Variants in SHQ1 observed in about 807,000 individuals in gnomAD.
SHQ1 encodes protein SHQ1 homolog.
A neutral mutation model predicts 53.8 loss-of-function variants in SHQ1; 49 were observed. The ratio of observed to expected loss-of-function variants is 0.91; its 90% confidence interval spans 0.72 to 1.16. SHQ1 has a LOEUF of 1.16. Among genes scored for constraint, SHQ1 ranks in the 50% most tolerant of loss-of-function variants. The pLI is 0.00. For missense variants in SHQ1, 738 were observed against 683.1 expected (o/e 1.08, Z -0.90); for synonymous variants, 243 against 251.0 (o/e 0.97, Z 0.30).
chr3:72,743,717 GA>G, the SHQ1 span, among the ~76,000 whole-genome samples: 1 of 152,224 alleles, frequency 6.6e-6, no homozygotes, highest in African/African-American at 2.4e-5. Flanking sequence ...AGTGTCGTCT[GA>G]AGGTGTTGTG....
chr3:72,812,852 T>A, intron 8 of SHQ1, 58 bp from the exon 9 acceptor site: 4 of 1,597,346 alleles, frequency 2.5e-6, no homozygotes, highest in Non-Finnish European at 3.4e-6. Flanking sequence ...CAAACAAAAG[T>A]ACACAATGAA....
In SHQ1 at chr3:72,753,662, G is replaced by A. The variant is rs984183921; in HGVS notation, c.1182-2826C>T. 11 of 985,024 alleles carry A rather than the reference G, an allele frequency of 1.1e-5. No homozygotes were observed. The African/African-American group carries it at 1.9e-4, about 17-fold the overall frequency. 61.0% of individuals were successfully genotyped at this position (985,024 alleles called of 1,614,324 possible). A position where few individuals can be genotyped will look rare whatever the true frequency, so the allele number is the denominator to read the frequency against. ...CTTCCAGAGCGCTTAGAGAAAGGGA[G>A]GGGTTTAGGGTAAAGAGGAAAACCA... On this transcript the variant is annotated intron_variant, in intron 10 of 10. Transcript: ENST00000325599.
chr3:72,772,414 G>A, intron 10 of SHQ1: 1 of 354,380 alleles, frequency 2.8e-6, no homozygotes, highest in Non-Finnish European at 5.4e-6. Context: ...AAACCATCAA[G>A]AACTTCTGAG....
chr3:72,836,709 T>C (rs1281249974), intron 4 of SHQ1, among the ~76,000 whole-genome samples: 1 of 152,040 alleles, frequency 6.6e-6, no homozygotes, highest in Non-Finnish European at 1.5e-5. Context: ...CAAAGGTAGC[T>C]TGGGGTTTAG....
At chr3:72,826,378 C>T (rs1360735179) in intron 5 of SHQ1, among the ~76,000 whole-genome samples, 1 of 152,160 alleles carries the variant, frequency 6.6e-6, no homozygotes, top group South Asian at 2.1e-4. Context: ...CAAATCAGAA[C>T]GTGAGCTTTT....
At chr3:72,813,715 C>G (rs1447550890) in intron 8 of SHQ1, among the ~76,000 whole-genome samples, 1 of 141,896 alleles carries the variant, frequency 7.0e-6, no homozygotes, top group Admixed American at 7.2e-5. Context: ...GAGCCAAGAT[C>G]GCGCCACTGC....
At chr3:72,752,613 G>A (rs188701806) in intron 10 of SHQ1, among the ~76,000 whole-genome samples, 3 of 150,064 alleles carry the variant, frequency 2.0e-5, no homozygotes, top group Admixed American at 1.3e-4. Flanking sequence ...TGCAACCTCC[G>A]CCTCCCAGGT....
downstream of SHQ1, among the ~76,000 whole-genome samples, chr3:72,745,102 A>G (rs1388784959): frequency 1.3e-5 from 2 of 152,158 alleles, no homozygotes; most frequent in African/African-American, 2.4e-5. Context: ...TAACATATAA[A>G]GTAATAAAAA....
At chr3:72,803,993 T>C (rs1422449549) in intron 9 of SHQ1, among the ~76,000 whole-genome samples, 2 of 152,304 alleles carry the variant, frequency 1.3e-5, no homozygotes, top group East Asian at 1.9e-4. Context: ...CATAGCTCAC[T>C]GTAACCTCGA....
chr3:72,772,944 G>C (rs1127494), intron 10 of SHQ1: 6 of 936,648 alleles, frequency 6.4e-6, no homozygotes, highest in Non-Finnish European at 1.0e-5. Context: ...ATGAAGAATC[G>C]GAAGAAAAAC....
chr3:72,790,285 G>A (rs1049879449), intron 10 of SHQ1, among the ~76,000 whole-genome samples: 3 of 152,170 alleles, frequency 2.0e-5, no homozygotes, highest in South Asian at 2.1e-4. Context: ...TAACTTCATC[G>A]ATTCAATGTA....
intron 10 of SHQ1, 94 bp downstream of exon 10, chr3:72,792,822 T>G: frequency 2.3e-6 from 1 of 431,958 alleles, no homozygotes; most frequent in Admixed American, 3.4e-5. Context: ...CACAACTTAC[T>G]CCTCAGGTTA....
chr3:72,751,476 ATGTG>A lies in SHQ1; in HGVS notation c.1182-644_1182-641del, dbSNP rs372032784. 8.5e-4 allele frequency among the ~76,000 whole-genome samples: 93 copies of A among 109,640 alleles called. 1 individual carries two copies. Among genetic ancestry groups the A allele is most frequent in the African/African-American group, 3.7e-3 (81 of 21,964 alleles). The allele number at this position is 109,640 out of a possible 152,430, so 71.9% of individuals were successfully genotyped here. A position where few individuals can be genotyped will look rare whatever the true frequency, so the allele number is the denominator to read the frequency against. On this transcript the variant is annotated intron_variant, in intron 10 of 10. Transcript: ENST00000325599. Reference sequence around the variant, plus strand: ...GGTAATATATCTATAATAAGCACATATGTGTGTGTGTGTGTGTGTGTGTGTGTGT... The same window carrying A: ...GGTAATATATCTATAATAAGCACATATGTGTGTGTGTGTGTGTGTGTGTGT...
intron 9 of SHQ1, chr3:72,809,849 C>T (rs1174697420): frequency 2.0e-5 from 3 of 151,782 alleles, no homozygotes; most frequent in African/African-American, 4.8e-5. Flanking sequence ...ATCCCAGCTA[C>T]TTGGGAGGCT....
At chr3:72,725,973 A>G in the SHQ1 span, among the ~76,000 whole-genome samples, 1 of 152,190 alleles carries the variant, frequency 6.6e-6, no homozygotes, top group Non-Finnish European at 1.5e-5. Flanking sequence ...GTGAGGGCTA[A>G]TAACGTAATA....
At chr3:72,751,496 GTGTGTGTGTGTGTATA>G (rs1705369782) in intron 10 of SHQ1, among the ~76,000 whole-genome samples, 1 of 117,118 alleles carries the variant, frequency 8.5e-6, no homozygotes, top group Non-Finnish European at 1.7e-5. Flanking sequence ...GTGTGTGTGT[GTGTGTGTGTGTGTATA>G]TATATATATA....
intron 2 of SHQ1, 69 bp downstream of exon 2, chr3:72,844,290 G>T (rs1013869158): frequency 1.5e-6 from 2 of 1,311,778 alleles, no homozygotes; most frequent in Admixed American, 3.6e-5. Context: ...ATGGTATCTT[G>T]TAAGATTATT....
chr3:72,756,802 A>C (rs1007820592), intron 10 of SHQ1, among the ~76,000 whole-genome samples: 2 of 152,258 alleles, frequency 1.3e-5, no homozygotes, highest in African/African-American at 4.8e-5. Context: ...GTGAAATAAT[A>C]TCCTATTTGG....
At chr3:72,768,549 T>C (rs986892958) in intron 10 of SHQ1, among the ~76,000 whole-genome samples, 7 of 152,198 alleles carry the variant, frequency 4.6e-5, no homozygotes, top group Non-Finnish European at 1.0e-4. Context: ...GTGATTCTGT[T>C]GTCCTGCTGA....
Sources: allele counts gnomAD v4.1 joint callset (sites outside exome capture counted in the v4.1 genomes callset), GRCh38; gene constraint gnomAD v4.1.1; transcripts MANE v1.5; gene names NCBI Gene and HGNC (gene_info 2026-07-23, HGNC 2026-07-21).